DOC2B: variants seen among roughly 807,000 people sequenced by gnomAD.
The protein encoded by DOC2B is double C2-like domain-containing protein beta.
Under a neutral mutation model 28.9 loss-of-function variants are expected in DOC2B, and 21 were observed. The ratio of observed to expected loss-of-function variants is 0.73; its 90% CI spans 0.52 to 1.05. The LOEUF (loss-of-function observed/expected upper bound fraction) is 1.05. DOC2B is among the 50% of genes least tolerant of loss of function. The probability of loss-of-function intolerance (pLI) is 0.00; values close to 1 mark genes in which losing one functional copy is unlikely to be tolerated. For synonymous variants in DOC2B, 194 were observed against 178.1 expected, an observed-to-expected ratio of 1.09 and a Z score of -0.71; for missense variants, 384 against 421.1, an observed-to-expected ratio of 0.91 and a Z score of 0.77.
In DOC2B at chr17:181,174, GGGGCTGGGACCC is replaced by G. The variant is rs908742535; in HGVS notation, c.294_305del (p.Gly99_Pro102del). 2.2e-4 allele frequency: 278 copies of G among 1,251,458 alleles called. No individual in the cohort carries two copies. Among genetic ancestry groups the G allele is most frequent in the Non-Finnish European group, 2.6e-4 (258 of 999,128 alleles). 77.5% of individuals were successfully genotyped at this position (1,251,458 alleles called of 1,614,324 possible). ...CCGGCGGCTTGGCTGGCGGCCGCGC[GGGGCTGGGACCC>G]GGGCTGGGGCCCGGGCTGGAGCCGT... On this transcript the variant is annotated inframe_deletion, in exon 1 of 9. Coordinates refer to ENST00000613549, the MANE Select transcript of DOC2B (RefSeq NM_003585.5). This position sits in a 1 kb window ranked among gnomAD's most constrained non-coding sequence, Gnocchi z 7.0.
intron 5 of DOC2B, among the ~76,000 whole-genome samples, chr17:156,939 G>T (rs2040142758): frequency 6.6e-6 from 1 of 152,186 alleles, no homozygotes; most frequent in South Asian, 2.1e-4. Flanking sequence ...TGTGACACAT[G>T]AAAATGACAT....
intron 2 of DOC2B, among the ~76,000 whole-genome samples, chr17:164,744 G>A (rs538461554): frequency 1.3e-5 from 2 of 152,166 alleles, no homozygotes; most frequent in African/African-American, 4.8e-5. Flanking sequence ...TCTCACTCTG[G>A]TTCTTTCAGA....
intron 1 of DOC2B, among the ~76,000 whole-genome samples, chr17:177,806 G>C (rs979875833): frequency 6.6e-6 from 1 of 152,260 alleles, no homozygotes; most frequent in Admixed American, 6.5e-5. Flanking sequence ...CTCAAAGGAA[G>C]GGGCACCACA....
chr17:149,869 C>T (rs1295265306), intron 6 of DOC2B, among the ~76,000 whole-genome samples: 1 of 152,230 alleles, frequency 6.6e-6, no homozygotes, highest in Non-Finnish European at 1.5e-5. Context: ...AAAATCCATC[C>T]TTCTGAAGTG....
chr17:169,002 C>T (rs2040281071), intron 2 of DOC2B, among the ~76,000 whole-genome samples: 1 of 152,104 alleles, frequency 6.6e-6, no homozygotes, highest in Non-Finnish European at 1.5e-5. Context: ...CTGGTACTGG[C>T]ACTGAGGGAA....
Position 181,010 on chromosome 17 carries a change from C to T in DOC2B, c.373+97G>A, listed in dbSNP as rs1341720214. On this transcript the variant is annotated intron_variant, in intron 1 of 8. Transcript: ENST00000613549. This position sits in a 1 kb window ranked among gnomAD's most constrained non-coding sequence, Gnocchi z 7.0. ...GTTGTGAACCGAGGCAGAGCGCGAG[C>T]GCGCGAGGGGGACCGGCGGAGGGAA... 18 of 1,057,402 alleles carry T rather than the reference C, an allele frequency of 1.7e-5. 1 individual carries two copies. The highest frequency in any genetic ancestry group is 2.2e-5 in the Non-Finnish European group (18 of 835,002). The allele number at this position is 1,057,402 out of a possible 1,614,324, so 65.5% of individuals were successfully genotyped here.
Position 147,272 on chromosome 17 carries a change from G to A in DOC2B, c.*169C>T. 1 of 396,016 alleles carries A rather than the reference G, an allele frequency of 2.5e-6. No individual in the cohort carries two copies. The highest frequency in any genetic ancestry group is 4.4e-6 in the Non-Finnish European group (1 of 224,926). The allele number at this position is 396,016 out of a possible 1,614,324, so 24.5% of individuals were successfully genotyped here. ...TCCTTGCCCTCCCCGTCCCAGAGTG[G>A]CTGAGCCCTCCACATCCTCCGAGCG... On this transcript the variant is annotated 3_prime_UTR_variant, in exon 9 of 9. Transcript: ENST00000613549.
At chr17:161,000 G>A (rs774838378) in intron 5 of DOC2B, among the ~76,000 whole-genome samples, 1 of 151,958 alleles carries the variant, frequency 6.6e-6, no homozygotes, top group Admixed American at 6.6e-5. Flanking sequence ...CCCAAACCTC[G>A]GATCTGCCCT....
At chr17:173,786 G>T (rs1712042039) in intron 1 of DOC2B, among the ~76,000 whole-genome samples, 1 of 152,156 alleles carries the variant, frequency 6.6e-6, no homozygotes, top group African/African-American at 2.4e-5. Context: ...CCAACCAGCA[G>T]GTACGGGCTT....
chr17:170,188 A>G (rs4890176), intron 2 of DOC2B, among the ~76,000 whole-genome samples: 124,552 of 152,190 alleles, frequency 0.82, 51,260 homozygotes, highest in East Asian at 0.86. Context: ...CACAGCTGGG[A>G]TTTGACAAAT....
intron 3 of DOC2B, among the ~76,000 whole-genome samples, chr17:162,742 A>AC (rs2040219789): frequency 6.6e-6 from 1 of 152,108 alleles, no homozygotes; most frequent in African/African-American, 2.4e-5. Context: ...TCCAAGGAGG[A>AC]CCCCACCTCC....
intron 6 of DOC2B, among the ~76,000 whole-genome samples, chr17:153,162 G>A (rs1555521972): frequency 6.6e-6 from 1 of 152,166 alleles, no homozygotes; most frequent in East Asian, 1.9e-4. Flanking sequence ...AAGGCCACGT[G>A]ACCTGGCCCA....
At chr17:149,311 G>A (rs2040047699) in intron 6 of DOC2B, 119 bp from the exon 7 acceptor site, 2 of 397,882 alleles carry the variant, frequency 5.0e-6, no homozygotes, top group Admixed American at 8.8e-5. Flanking sequence ...CCCTTCTTTT[G>A]TCCTAATCAT....
chr17:169,239 G>A (rs987251522), intron 2 of DOC2B, among the ~76,000 whole-genome samples: 3 of 151,976 alleles, frequency 2.0e-5, no homozygotes, highest in South Asian at 2.1e-4. Flanking sequence ...GACAGATCCC[G>A]GGGACTGCAG....
At chr17:152,767 T>C (rs1227916902) in intron 6 of DOC2B, among the ~76,000 whole-genome samples, 3 of 151,938 alleles carry the variant, frequency 2.0e-5, no homozygotes, top group Admixed American at 2.0e-4. Flanking sequence ...TGAGTCACTG[T>C]CTCAAAAAAG....
intron 3 of DOC2B, among the ~76,000 whole-genome samples, chr17:162,915 C>T (rs1265598247): frequency 6.6e-6 from 1 of 152,200 alleles, no homozygotes; most frequent in African/African-American, 2.4e-5. Flanking sequence ...ATTGCTGCCA[C>T]TCCCTCCTCC....
chr17:149,786 G>A (rs1360120220), intron 6 of DOC2B, among the ~76,000 whole-genome samples: 2 of 152,176 alleles, frequency 1.3e-5, no homozygotes, highest in South Asian at 2.1e-4. Flanking sequence ...GATTACAGGC[G>A]TGAGCCACCA....
intron 1 of DOC2B, among the ~76,000 whole-genome samples, chr17:180,141 C>T (rs1420957726): frequency 1.3e-5 from 2 of 152,252 alleles, no homozygotes; most frequent in Admixed American, 1.3e-4. Flanking sequence ...TTTTCCAGGT[C>T]TCAGTGACAA....
chr17:180,705 G>A (rs971012312), intron 1 of DOC2B, among the ~76,000 whole-genome samples: 5 of 151,956 alleles, frequency 3.3e-5, no homozygotes, highest in Non-Finnish European at 7.4e-5. Context: ...CGAGCGGGGA[G>A]CGACCGCGCG....
Sources: gnomAD v4.1 joint callset for allele counts (sites outside exome capture counted in the v4.1 genomes callset) on GRCh38, gnomAD v4.1.1 for gene constraint, Gnocchi (gnomAD v3.1) non-coding constraint, MANE v1.5 for transcripts, NCBI Gene and HGNC (gene_info 2026-07-23, HGNC 2026-07-21) for gene names.